The following NR3C1 variants were observed in gnomAD, a reference collection of about 807,000 sequenced individuals.
The protein encoded by NR3C1 is glucocorticoid receptor.
A neutral mutation model predicts 74.0 loss-of-function variants in NR3C1; 14 were observed. The observed-to-expected ratio is 0.19, with a 90% CI of 0.12 to 0.30. The LOEUF is 0.30. Ranked by LOEUF, NR3C1 falls within the 10% of genes least tolerant of loss-of-function variation. The pLI, the probability that NR3C1 is intolerant of heterozygous loss-of-function variation, is 1.00. For synonymous variants in NR3C1, 308 were observed against 332.5 expected, an observed-to-expected ratio of 0.93 and a Z score of 0.80; for missense variants, 695 against 909.8, an observed-to-expected ratio of 0.76 and a Z score of 3.04.
At chr5:143,401,553 T>C (rs1840285140) in intron 1 of NR3C1, among the ~76,000 whole-genome samples, 1 of 152,234 alleles carries the variant, frequency 6.6e-6, no homozygotes, top group Admixed American at 6.5e-5. Context: ...ACACTTTATA[T>C]AGGCCAACTA....
chr5:143,399,766 G>A lies in NR3C1; in HGVS notation c.1074C>T (p.Pro358=), dbSNP rs561734947. 10 of 1,614,150 alleles carry A rather than the reference G, an allele frequency of 6.2e-6. No individual in the cohort carries two copies. The East Asian group carries it at 1.1e-4, about 18-fold the overall frequency. The change falls in exon 2 of 9, where the codon CCC becomes CCT. Residue 358 remains proline, a synonymous_variant. Coordinates refer to ENST00000394464, the MANE Select transcript of NR3C1 (RefSeq NM_000176.3). ...ACCTATTCCAATTTTCGGAACCAAC[G>A]GGAATTGGTGGAATGACATTAAAAA... ...KPIFNVIPPI[P]VGSENWNRCQ...
intron 2 of NR3C1, among the ~76,000 whole-genome samples, chr5:143,364,650 A>T (rs1832884752): frequency 6.6e-6 from 1 of 152,210 alleles, no homozygotes; most frequent in Admixed American, 6.5e-5. Context: ...AGGTATACAG[A>T]GGCAAAGTTT....
intron 7 of NR3C1, among the ~76,000 whole-genome samples, chr5:143,286,233 C>T (rs927605683): frequency 6.6e-6 from 1 of 152,062 alleles, no homozygotes; most frequent in Non-Finnish European, 1.5e-5. Flanking sequence ...AAAAAGGCTC[C>T]AAACAAACCA....
At chr5:143,359,542 A>C (rs1252865549) in intron 2 of NR3C1, among the ~76,000 whole-genome samples, 1 of 152,222 alleles carries the variant, frequency 6.6e-6, no homozygotes, top group Non-Finnish European at 1.5e-5. Flanking sequence ...TTTAAATGAT[A>C]AACAGCCATA....
intron 3 of NR3C1, among the ~76,000 whole-genome samples, chr5:143,312,987 A>G (rs1424058906): frequency 1.3e-5 from 2 of 152,204 alleles, no homozygotes; most frequent in Non-Finnish European, 2.9e-5. Context: ...GTAATTTTAT[A>G]ATTTGCTAAT....
At chr5:143,340,873 A>G (rs1212744610) in intron 2 of NR3C1, among the ~76,000 whole-genome samples, 1 of 152,182 alleles carries the variant, frequency 6.6e-6, no homozygotes, top group Non-Finnish European at 1.5e-5. Flanking sequence ...GGTTCGTTAA[A>G]TAGGTAAACA....
exon 1 of NR3C1, chr5:143,435,393 G>C: frequency 2.0e-6 from 2 of 985,476 alleles, no homozygotes; most frequent in Non-Finnish European, 2.4e-6. Flanking sequence ...CCCAGCAGAA[G>C]TGAAAGTGAT....
chr5:143,355,224 T>C (rs796529389), intron 2 of NR3C1, among the ~76,000 whole-genome samples: 1 of 152,242 alleles, frequency 6.6e-6, no homozygotes, highest in Non-Finnish European at 1.5e-5. Context: ...ACAGCTATTA[T>C]GTTATCAATT....
At chr5:143,394,364 T>A (rs1203120358) in intron 2 of NR3C1, among the ~76,000 whole-genome samples, 3 of 152,014 alleles carry the variant, frequency 2.0e-5, no homozygotes, top group African/African-American at 7.2e-5. Context: ...CAGAACCCCA[T>A]AATTTATTCT....
chr5:143,387,396 C>G (rs993757662), intron 2 of NR3C1, among the ~76,000 whole-genome samples: 31 of 152,314 alleles, frequency 2.0e-4, no homozygotes, highest in African/African-American at 7.2e-4. Flanking sequence ...AGACTGGTTT[C>G]AAGAACAATA....
chr5:143,301,393 T>TA (rs1818457130), intron 4 of NR3C1, among the ~76,000 whole-genome samples: 1 of 152,140 alleles, frequency 6.6e-6, no homozygotes, highest in African/African-American at 2.4e-5. Flanking sequence ...TGCGTGGGAC[T>TA]AAAAACATTT....
At chr5:143,340,514 G>A (rs973809292) in intron 2 of NR3C1, among the ~76,000 whole-genome samples, 1 of 119,566 alleles carries the variant, frequency 8.4e-6, no homozygotes, top group Non-Finnish European at 1.6e-5. Flanking sequence ...ACAGAGTCTC[G>A]CTCTGTCGCC....
chr5:143,316,700 G>C (rs750406188), intron 2 of NR3C1, among the ~76,000 whole-genome samples: 1 of 152,108 alleles, frequency 6.6e-6, no homozygotes, highest in African/African-American at 2.4e-5. Flanking sequence ...GATATCACCT[G>C]TGTGTGTGTT....
chr5:143,368,903 C>T (rs1600324927), intron 2 of NR3C1, among the ~76,000 whole-genome samples: 1 of 152,164 alleles, frequency 6.6e-6, no homozygotes, highest in Non-Finnish European at 1.5e-5. Flanking sequence ...GGACTCTCTG[C>T]AGAGTCCCAA....
chr5:143,278,280 A>G lies in NR3C1; in HGVS notation c.*3609T>C, dbSNP rs1812630980. ...GCTTCTTAATAATGCCATACACAGT[A>G]TAATATAGATTTGTCCCCATTATAT... On this transcript the variant is annotated 3_prime_UTR_variant, in exon 9 of 9. Coordinates refer to ENST00000394464, the MANE Select transcript of NR3C1 (RefSeq NM_000176.3). The G allele has an allele frequency of 6.6e-6, 1 of 152,240 alleles. No individual in the cohort carries two copies. Among genetic ancestry groups the G allele is most frequent in the Non-Finnish European group, 1.5e-5 (1 of 68,030 alleles). 9.4% of individuals were successfully genotyped at this position (152,240 alleles called of 1,614,324 possible).
intron 2 of NR3C1, among the ~76,000 whole-genome samples, chr5:143,374,349 G>A (rs1279587922): frequency 3.3e-5 from 5 of 152,080 alleles, no homozygotes; most frequent in South Asian, 2.1e-4. Flanking sequence ...AAAATTAGCC[G>A]GGCGCGGTGG....
chr5:143,281,784 CAAT>C lies in NR3C1; in HGVS notation c.*102_*104del. Reference sequence around the variant, plus strand: ...TTTAAAACAAAACAACAGATGAAAACAATAAAAAATAAAACAACAAAACCTCTA... The same window carrying C: ...TTTAAAACAAAACAACAGATGAAAACAAAAAATAAAACAACAAAACCTCTA... On this transcript the variant is annotated 3_prime_UTR_variant, in exon 9 of 9. Coordinates refer to ENST00000394464, the MANE Select transcript of NR3C1 (RefSeq NM_000176.3). 2.4e-6 allele frequency: 3 copies of C among 1,264,828 alleles called. No individual in the cohort carries two copies. Among genetic ancestry groups the C allele is most frequent in the Non-Finnish European group, 3.4e-6 (3 of 886,258 alleles). The allele number at this position is 1,264,828 out of a possible 1,614,324, so 78.4% of individuals were successfully genotyped here.
In NR3C1 at chr5:143,342,166, T is replaced by C. The variant is rs188245177; in HGVS notation, c.1185-27998A>G. Among the ~76,000 whole-genome samples, 259 of 152,326 alleles carry C rather than the reference T, an allele frequency of 1.7e-3. 5 individuals are homozygous for C. Among genetic ancestry groups the C allele is most frequent in the Non-Finnish European group, 2.8e-4 (19 of 68,034 alleles). On this transcript the variant is annotated intron_variant, in intron 2 of 8. Transcript: ENST00000394464. ...CAAGAAACTATTACATTTTAAGAAT[T>C]AAAATTTCTTTCCTTCTGGTTACTT...
At chr5:143,323,483 G>A (rs1036656582) in intron 2 of NR3C1, among the ~76,000 whole-genome samples, 3 of 151,790 alleles carry the variant, frequency 2.0e-5, no homozygotes, top group South Asian at 2.1e-4. Context: ...CCCCACCCCC[G>A]GGTCCCTCCC....
Sources: gnomAD v4.1 joint callset for allele counts (sites outside exome capture counted in the v4.1 genomes callset) on GRCh38, gnomAD v4.1.1 for gene constraint, MANE v1.5 for transcripts, NCBI Gene and HGNC (gene_info 2026-07-23, HGNC 2026-07-21) for gene names.